CEACAM18: variants seen among roughly 807,000 people sequenced by gnomAD.
The protein encoded by CEACAM18 is cell adhesion molecule CEACAM18.
CEACAM18 carries 33 observed loss-of-function variants against 34.3 expected under a neutral mutation model. That is an observed-to-expected ratio of 0.96 (90% CI 0.73 to 1.29). The LOEUF (loss-of-function observed/expected upper bound fraction) is 1.29. Among genes scored for constraint, CEACAM18 ranks in the 50% most tolerant of loss-of-function variants. The pLI is 0.00. For missense variants in CEACAM18, 474 were observed against 485.0 expected (o/e 0.98, Z 0.21); for synonymous variants, 169 against 180.9 (o/e 0.93, Z 0.53).
chr19:51,487,203 G>A (rs560102821), intron 5 of CEACAM18, among the ~76,000 whole-genome samples: 1 of 152,146 alleles, frequency 6.6e-6, no homozygotes, highest in Non-Finnish European at 1.5e-5. Context: ...GGCCAGGCAT[G>A]GTAGCTCATG....
chr19:51,478,551 C>T (rs775610944), upstream of CEACAM18: 1 of 1,176,366 alleles, frequency 8.5e-7, no homozygotes, highest in South Asian at 1.3e-5. Context: ...GACCGGCAGC[C>T]TCTGTGCCAG....
chr19:51,483,444 T>C, intron 4 of CEACAM18, 148 bp downstream of exon 4: 1 of 984,138 alleles, frequency 1.0e-6, no homozygotes, highest in Non-Finnish European at 1.5e-6. Context: ...CTCTGAGGTC[T>C]GGGTCCAAAG....
At chr19:51,480,871 G>A (rs1319938009) in intron 2 of CEACAM18, among the ~76,000 whole-genome samples, 191 bp downstream of exon 2, 1 of 152,174 alleles carries the variant, frequency 6.6e-6, no homozygotes, top group Non-Finnish European at 1.5e-5. Flanking sequence ...TGGAAGACAA[G>A]CAGTCCTGTA....
chr19:51,483,114 C>G (rs559097013), exon 4 of CEACAM18: 2 of 1,614,026 alleles, frequency 1.2e-6, no homozygotes, highest in South Asian at 1.1e-5. Context: ...AGTGTATCTG[C>G]TATTCCTTCC....
Position 51,485,029 on chromosome 19 carries a change from C to T in CEACAM18, c.996C>T (p.Ile332=), listed in dbSNP as rs776760311. 9.8e-6 allele frequency: 15 copies of T among 1,535,918 alleles called. No individual in the cohort carries two copies. The East Asian group carries it at 3.2e-4, about 33-fold the overall frequency. ...CACAGAGATTTCTCCATCTCAGGAT[C>T]CATGGTGATGTTCCTCATCATGCTG... The change falls in exon 5 of 6, where the codon ATC becomes ATT. Residue 332 remains isoleucine, a synonymous_variant. Coordinates refer to ENST00000396477, the Ensembl canonical transcript of CEACAM18.
intron 4 of CEACAM18, among the ~76,000 whole-genome samples, chr19:51,483,696 T>C (rs1989956363): frequency 6.6e-6 from 1 of 152,174 alleles, no homozygotes; most frequent in Non-Finnish European, 1.5e-5. Context: ...TTGTAACCCA[T>C]GGAAGAGGTG....
chr19:51,485,384 A>T (rs1989981888), intron 5 of CEACAM18, among the ~76,000 whole-genome samples: 1 of 152,098 alleles, frequency 6.6e-6, no homozygotes, highest in Non-Finnish European at 1.5e-5. Flanking sequence ...TTTATAAGGG[A>T]TATTAAGGTT....
At chr19:51,480,312 T>A in intron 1 of CEACAM18, 21 bp from the exon 2 acceptor site, 1 of 1,553,522 alleles carries the variant, frequency 6.4e-7, no homozygotes, top group East Asian at 2.3e-5. Flanking sequence ...TCTCTCTGTC[T>A]TTTTTCCTTG....
At chr19:51,480,482 A>G (rs925669259) in exon 2 of CEACAM18, 1 of 1,613,840 alleles carries the variant, frequency 6.2e-7, no homozygotes, top group African/African-American at 1.3e-5. Context: ...TGCAAACGAC[A>G]GCGCAGGAAA....
chr19:51,489,981 C>T (rs761752397), intron 5 of CEACAM18, among the ~76,000 whole-genome samples: 1 of 152,238 alleles, frequency 6.6e-6, no homozygotes. Context: ...CACCTCCACG[C>T]CACTGTCCCA....
chr19:51,487,696 ATTCAAGTGCAGTTCAAG>A (rs76690935), intron 5 of CEACAM18, among the ~76,000 whole-genome samples: 11,448 of 151,988 alleles, frequency 0.075, 508 homozygotes, highest in African/African-American at 0.12. Flanking sequence ...AACCTGGGAG[ATTCAAGTGCAGTTCAAG>A]TGCAGGTTGC....
intron 4 of CEACAM18, among the ~76,000 whole-genome samples, chr19:51,484,318 C>CT (rs546695435): frequency 0.19 from 27,195 of 141,286 alleles, 2,743 homozygotes; most frequent in Middle Eastern, 0.34. Flanking sequence ...GCTGGGGAAG[C>CT]TTTTTTTTTT....
chr19:51,487,790 A>G (rs539386136), intron 5 of CEACAM18, among the ~76,000 whole-genome samples: 1 of 152,330 alleles, frequency 6.6e-6, no homozygotes, highest in East Asian at 1.9e-4. Context: ...CTCAAAAATA[A>G]ATAAGTAAAT....
At chr19:51,485,325 G>C (rs1489301843) in intron 5 of CEACAM18, among the ~76,000 whole-genome samples, 1 of 152,168 alleles carries the variant, frequency 6.6e-6, no homozygotes, top group Non-Finnish European at 1.5e-5. Context: ...GTCGGCCATG[G>C]TTCTAAATAG....
intron 4 of CEACAM18, 57 bp downstream of exon 4, chr19:51,483,353 G>A (rs1989950888): frequency 6.3e-7 from 1 of 1,593,356 alleles, no homozygotes; most frequent in South Asian, 1.1e-5. Context: ...TCCATGCCCT[G>A]CTAGGCAGTG....
chr19:51,486,993 G>A (rs111624640), intron 5 of CEACAM18, among the ~76,000 whole-genome samples: 11,381 of 151,696 alleles, frequency 0.075, 509 homozygotes, highest in African/African-American at 0.12. Context: ...AAGTGCTGGG[G>A]TTACAGGCAT....
intron 5 of CEACAM18, among the ~76,000 whole-genome samples, chr19:51,487,987 G>A (rs12327808): frequency 8.6e-5 from 13 of 152,022 alleles, no homozygotes; most frequent in East Asian, 1.9e-4. Context: ...AAGTTCTACC[G>A]GACAGCACTG....
In CEACAM18 at chr19:51,485,035, TG is replaced by T; in HGVS notation, c.1003del (p.Asp335MetfsTer35). 6.5e-7 allele frequency: 1 copy of T among 1,536,106 alleles called. No homozygotes were observed. The highest frequency in any genetic ancestry group is 8.7e-7 in the Non-Finnish European group (1 of 1,146,894). On this transcript the variant is annotated frameshift_variant, in exon 5 of 6. Transcript: ENST00000396477. LOFTEE classifies it high-confidence loss of function. ...GATTTCTCCATCTCAGGATCCATGG[TG>T]ATGTTCCTCATCATGCTGACAGTGC... is the stretch of plus-strand genomic sequence containing the variant.
At chr19:51,484,777 C>T (rs1370920812) in intron 4 of CEACAM18, among the ~76,000 whole-genome samples, 1 of 118,296 alleles carries the variant, frequency 8.5e-6, no homozygotes, top group Non-Finnish European at 2.0e-5. Context: ...CTTAATTGTC[C>T]ACTGTCCACT....
Sources: allele counts gnomAD v4.1 joint callset (sites outside exome capture counted in the v4.1 genomes callset), GRCh38; gene constraint gnomAD v4.1.1; transcripts MANE v1.5; gene names NCBI Gene and HGNC (gene_info 2026-07-23, HGNC 2026-07-21).